GPC6: variants seen among roughly 807,000 people sequenced by gnomAD.
GPC6 encodes the protein glypican 6.
A neutral mutation model predicts 55.2 loss-of-function variants in GPC6; 14 were observed. The ratio of observed to expected loss-of-function variants is 0.25; its 90% CI spans 0.17 to 0.40. The LOEUF (loss-of-function observed/expected upper bound fraction) is 0.40, where lower values mean the gene tolerates loss of function less well. Among genes scored for constraint, GPC6 ranks in the 10% least tolerant of loss-of-function variants. The pLI is 1.00. For synonymous variants in GPC6, 278 were observed against 259.6 expected (o/e 1.07, Z -0.68); for missense variants, 641 against 708.5 (o/e 0.90, Z 1.08).
intron 2 of GPC6, among the ~76,000 whole-genome samples, chr13:93,738,971 A>ACT (rs1555328092): frequency 4.2e-5 from 6 of 142,796 alleles, no homozygotes; most frequent in African/African-American, 1.0e-4. Context: ...ACACACACAC[A>ACT]CTCACACACA....
At chr13:93,668,226 C>A (rs1266869018) in intron 2 of GPC6, among the ~76,000 whole-genome samples, 1 of 152,116 alleles carries the variant, frequency 6.6e-6, no homozygotes, top group East Asian at 1.9e-4. Flanking sequence ...TAATTTTATT[C>A]TTTTTACCTT....
At chr13:93,481,386 T>C (rs1365652362) in intron 1 of GPC6, among the ~76,000 whole-genome samples, 2 of 152,132 alleles carry the variant, frequency 1.3e-5, no homozygotes, top group Non-Finnish European at 2.9e-5. Context: ...TTCTGTGTAT[T>C]GTCTTTTCAC....
chr13:94,290,914 G>T (rs973705428), intron 5 of GPC6, among the ~76,000 whole-genome samples: 1 of 152,102 alleles, frequency 6.6e-6, no homozygotes, highest in South Asian at 2.1e-4. Context: ...TAGGGAGACC[G>T]GGCATGGTGG....
chr13:94,155,893 A>G (rs534329787), intron 4 of GPC6, among the ~76,000 whole-genome samples: 177 of 152,264 alleles, frequency 1.2e-3, no homozygotes, highest in African/African-American at 4.2e-3. Flanking sequence ...GTAGAGAGAA[A>G]AGAGGCAAGG....
At chr13:93,607,549 C>T (rs903309308) in intron 2 of GPC6, among the ~76,000 whole-genome samples, 3 of 152,138 alleles carry the variant, frequency 2.0e-5, no homozygotes, top group Admixed American at 1.3e-4. Context: ...GAAACACCCC[C>T]GTCATTACTG....
intron 1 of GPC6, among the ~76,000 whole-genome samples, chr13:93,539,262 A>G (rs1439811871): frequency 6.6e-6 from 1 of 151,978 alleles, no homozygotes; most frequent in African/African-American, 2.4e-5. Context: ...CTCTAGAACC[A>G]TGCTTCTCAG....
At chr13:93,466,734 A>G (rs992587214) in intron 1 of GPC6, among the ~76,000 whole-genome samples, 3 of 152,196 alleles carry the variant, frequency 2.0e-5, no homozygotes, top group African/African-American at 4.8e-5. Flanking sequence ...TGGAAGAGTC[A>G]ATGAAAGATT....
chr13:93,258,739 C>T (rs2139037811), intron 1 of GPC6, among the ~76,000 whole-genome samples: 1 of 151,944 alleles, frequency 6.6e-6, no homozygotes, highest in Non-Finnish European at 1.5e-5. Context: ...AGGAGTTCAA[C>T]ACCAGCTTAA....
intron 1 of GPC6, among the ~76,000 whole-genome samples, chr13:93,347,428 A>G (rs948689451): frequency 1.3e-4 from 20 of 152,168 alleles, no homozygotes; most frequent in African/African-American, 4.8e-4. Context: ...ATCATAAAAC[A>G]TGTGGTGAGA....
rs117226407 is a variant in GPC6, at chr13:94,344,897, C to T, written c.1153-37517C>T. On this transcript the variant is annotated intron_variant, in intron 6 of 8. Transcript: ENST00000377047. ...ATCCATGAATTAACTGTAAATTCCT[C>T]TGCTTTGGCTTTTCTCTTTGTTGAA... 1.0e-2 allele frequency among the ~76,000 whole-genome samples: 1,518 copies of T among 152,332 alleles called. 10 individuals carry two copies. The highest frequency in any genetic ancestry group is 0.014 in the Non-Finnish European group (928 of 68,026).
intron 3 of GPC6, among the ~76,000 whole-genome samples, chr13:93,956,308 T>A (rs1879506336): frequency 6.6e-6 from 1 of 152,190 alleles, no homozygotes; most frequent in South Asian, 2.1e-4. Flanking sequence ...TTATCTTTTA[T>A]CTTGGTGGAT....
intron 4 of GPC6, among the ~76,000 whole-genome samples, chr13:94,136,614 G>A (rs146188189): frequency 0.021 from 3,259 of 152,238 alleles, 120 homozygotes; most frequent in African/African-American, 0.074. Flanking sequence ...GGAGGCTGAG[G>A]CAGGAGAATG....
intron 2 of GPC6, among the ~76,000 whole-genome samples, chr13:93,624,741 A>G (rs1411029284): frequency 1.3e-5 from 2 of 152,236 alleles, no homozygotes; most frequent in East Asian, 1.9e-4. Flanking sequence ...CTTTAAGAAA[A>G]GATGTCAATC....
chr13:93,441,192 T>C (rs191565011), intron 1 of GPC6, among the ~76,000 whole-genome samples: 2 of 152,330 alleles, frequency 1.3e-5, no homozygotes, highest in Non-Finnish European at 2.9e-5. Flanking sequence ...TGATTTATAA[T>C]CCTTTAGGTA....
rs761376490 is a variant in GPC6, at chr13:94,393,520, G to C, written c.1290-4946G>C. Among the ~76,000 whole-genome samples, 21 of 152,154 alleles carry C rather than the reference G, an allele frequency of 1.4e-4. 1 individual carries two copies. Among genetic ancestry groups the C allele is most frequent in the Non-Finnish European group, 2.9e-4 (20 of 68,030 alleles). Reference sequence around the variant, plus strand: ...TAGAATTTGAAGAGATGTGTATTGAGTGGAGCTCATTTGTGGCAACAAACA... The same window carrying C: ...TAGAATTTGAAGAGATGTGTATTGACTGGAGCTCATTTGTGGCAACAAACA... On this transcript the variant is annotated intron_variant, in intron 7 of 8. Transcript: ENST00000377047.
At chr13:93,597,746 G>A (rs1222359370) in intron 2 of GPC6, among the ~76,000 whole-genome samples, 1 of 152,038 alleles carries the variant, frequency 6.6e-6, no homozygotes, top group East Asian at 1.9e-4. Flanking sequence ...TCACTGTATT[G>A]TGAAAATATA....
chr13:94,285,007 A>C (rs1892489497), intron 4 of GPC6, among the ~76,000 whole-genome samples: 1 of 152,150 alleles, frequency 6.6e-6, no homozygotes, highest in Non-Finnish European at 1.5e-5. Flanking sequence ...ATTTTATTTC[A>C]TATTTTTATT....
At position 93,944,726 on chromosome 13, in the gene GPC6, G is replaced by C. The variant is rs184744253; in HGVS notation, c.712-83003G>C. ...CTATATCCTGCTGTTTCTCATATTT[G>C]TTTACTCCTGGTTATGGTAAATTCT... is the stretch of plus-strand genomic sequence containing the variant. On this transcript the variant is annotated intron_variant, in intron 3 of 8. Coordinates refer to ENST00000377047, the MANE Select transcript of GPC6 (RefSeq NM_005708.5). 4.5e-4 allele frequency among the ~76,000 whole-genome samples: 69 copies of C among 152,220 alleles called. 1 individual carries two copies. Among genetic ancestry groups the C allele is most frequent in the African/African-American group, 1.6e-3 (66 of 41,544 alleles).
chr13:94,161,797 C>T (rs9589921), intron 4 of GPC6, among the ~76,000 whole-genome samples: 6,640 of 152,178 alleles, frequency 0.044, 315 homozygotes, highest in East Asian at 0.27. Context: ...TGCTGATAAA[C>T]GCATACCTGA....
Sources: allele counts gnomAD v4.1 joint callset (sites outside exome capture counted in the v4.1 genomes callset), GRCh38; gene constraint gnomAD v4.1.1; transcripts MANE v1.5; gene names NCBI Gene and HGNC (gene_info 2026-07-23, HGNC 2026-07-21).